The following UNC80 variants were observed in gnomAD, a reference collection of about 807,000 sequenced individuals.
The protein encoded by UNC80 is protein unc-80 homolog.
UNC80 carries 164 observed loss-of-function variants against 384.6 expected under a neutral mutation model. That is an observed-to-expected ratio of 0.43 (90% CI 0.38 to 0.49). The LOEUF is 0.49. Among genes scored for constraint, UNC80 ranks in the 20% least tolerant of loss-of-function variants. The pLI, the probability that UNC80 is intolerant of heterozygous loss-of-function variation, is 0.00. For synonymous variants in UNC80, 1,486 were observed against 1,527.8 expected, an observed-to-expected ratio of 0.97 and a Z score of 0.64; for missense variants, 3,330 against 4,143.0, an observed-to-expected ratio of 0.80 and a Z score of 5.39.
rs768175290 is a variant in UNC80 at position 209,855,309 on chromosome 2, G to A, written c.3627+5686G>A. On this transcript the variant is annotated intron_variant, in intron 22 of 64. Transcript: ENST00000673920. The stretch of plus-strand genomic sequence containing the variant: ...CACTGGGGCCTGTCAGCAGGGTTAG[G>A]GGGGCAGGGGAAGGGAGAGCATCAG... Among the ~76,000 whole-genome samples, 37 of 151,918 alleles carry A rather than the reference G, an allele frequency of 2.4e-4. 1 individual carries two copies. Among genetic ancestry groups the A allele is most frequent in the Non-Finnish European group, 1.2e-4 (8 of 67,918 alleles).
In UNC80 at chr2:209,969,851, T is replaced by C; in HGVS notation, c.8090T>C (p.Leu2697Pro). The C allele has an allele frequency of 6.4e-7, 1 of 1,551,804 alleles. No individual in the cohort carries two copies. The highest frequency in any genetic ancestry group is 8.7e-7 in the Non-Finnish European group (1 of 1,147,002). The change falls in exon 53 of 65, where the codon CTG becomes CCG. Residue 2697 changes from leucine (L) to proline (P), a missense_variant. Transcript: ENST00000673920. ...TLQRQPIISF[L>P]PHLRSLINVC... ...CAGAGGCAGCCAATCATATCCTTCC[T>C]GCCTCACCTTAGGTCACTGATCAAT... is the stretch of plus-strand genomic sequence containing the variant.
Position 209,872,820 on chromosome 2 carries a change from C to T in UNC80, c.3690C>T (p.Cys1230=), listed in dbSNP as rs1334035144. ...FLECARFVHR[C]NRGNWPEWMK... is the part of the protein sequence containing the mutation. The stretch of plus-strand genomic sequence containing the variant: ...AATGTGCTCGTTTTGTTCACCGCTG[C>T]AACCGTGGCAACTGGCCAGAGTGGA... Residue 1230 remains cysteine (C), a synonymous_variant, in exon 23 of 65, where the codon TGC becomes TGT. Coordinates refer to ENST00000673920, the MANE Select transcript of UNC80 (RefSeq NM_001371986.1). The surrounding 1 kb of genome is among the most constrained non-coding windows in gnomAD (Gnocchi z 4.1). 2.6e-6 allele frequency: 4 copies of T among 1,551,474 alleles called. No individual in the cohort carries two copies. The highest frequency in any genetic ancestry group is 1.2e-5 in the South Asian group (1 of 84,050).
chr2:209,867,458 G>A (rs1358130441), intron 22 of UNC80, among the ~76,000 whole-genome samples: 1 of 152,038 alleles, frequency 6.6e-6, no homozygotes, highest in South Asian at 2.1e-4. Context: ...CTCCAAACTT[G>A]TATGAGAATG....
intron 4 of UNC80, among the ~76,000 whole-genome samples, chr2:209,784,169 G>A (rs1559083616): frequency 6.6e-6 from 1 of 152,072 alleles, no homozygotes; most frequent in South Asian, 2.1e-4. Flanking sequence ...AAAATGCATT[G>A]AGAATCTACC....
intron 20 of UNC80, among the ~76,000 whole-genome samples, chr2:209,841,692 T>A (rs1244689836): frequency 6.6e-6 from 1 of 152,148 alleles, no homozygotes; most frequent in African/African-American, 2.4e-5. Flanking sequence ...AAGTGATATT[T>A]TGAAATTACA....
chr2:209,827,492 C>T (rs13420529), intron 14 of UNC80, among the ~76,000 whole-genome samples: 13,630 of 152,104 alleles, frequency 0.09, 929 homozygotes, highest in East Asian at 0.23. Flanking sequence ...ATACTTTCCT[C>T]CCCAGGAGCA....
At chr2:209,916,679 A>T (rs1310457717) in intron 31 of UNC80, among the ~76,000 whole-genome samples, 1 of 152,244 alleles carries the variant, frequency 6.6e-6, no homozygotes, top group African/African-American at 2.4e-5. Flanking sequence ...TTGATAAACC[A>T]TTCTATAGAT....
chr2:209,793,083 T>C (rs2077925728), intron 6 of UNC80, among the ~76,000 whole-genome samples: 1 of 152,202 alleles, frequency 6.6e-6, no homozygotes, highest in African/African-American at 2.4e-5. Context: ...TGAGGGTCTT[T>C]ATACTTTAGT....
At position 209,948,911 on chromosome 2, in the gene UNC80, GAT is replaced by G. The variant is rs530890652; in HGVS notation, c.7286+2970_7286+2971del. On this transcript the variant is annotated intron_variant, in intron 47 of 64. Coordinates refer to ENST00000673920, the MANE Select transcript of UNC80 (RefSeq NM_001371986.1). ...TTTAGTTTGAGTTTTCTTATTGATG[GAT>G]AATGAATATTACCAAATGTTCCTCT... Among the ~76,000 whole-genome samples the G allele has an allele frequency of 8.3e-4, 127 of 152,176 alleles. 2 individuals carry two copies. Among genetic ancestry groups the G allele is most frequent in the South Asian group, 7.3e-3 (35 of 4,812 alleles).
At chr2:209,890,190 C>T (rs2086200411) in intron 26 of UNC80, among the ~76,000 whole-genome samples, 1 of 151,762 alleles carries the variant, frequency 6.6e-6, no homozygotes, top group African/African-American at 2.4e-5. Flanking sequence ...TCACAGTTAT[C>T]TAATATGTCT....
intron 51 of UNC80, among the ~76,000 whole-genome samples, chr2:209,967,168 T>TAATCTC (rs1225553724): frequency 6.6e-6 from 1 of 152,184 alleles, no homozygotes; most frequent in African/African-American, 2.4e-5. Context: ...GGCCTATCCT[T>TAATCTC]AATCTCTCTG....
chr2:209,967,866 C>A (rs1235224991), intron 52 of UNC80: 1 of 422,086 alleles, frequency 2.4e-6, no homozygotes, highest in East Asian at 4.3e-5. Context: ...AAAATCTATC[C>A]ATTTCTTAGC....
At chr2:209,879,266 G>T (rs2085064268) in intron 24 of UNC80, among the ~76,000 whole-genome samples, 1 of 152,130 alleles carries the variant, frequency 6.6e-6, no homozygotes, top group Non-Finnish European at 1.5e-5. Context: ...GACCCATCTA[G>T]CCAGAAGGCA....
At chr2:209,838,953 C>A (rs1437392161) in intron 18 of UNC80, among the ~76,000 whole-genome samples, 6 of 152,022 alleles carry the variant, frequency 3.9e-5, no homozygotes, top group Non-Finnish European at 8.8e-5. Flanking sequence ...CAGATGAATA[C>A]CTGCAATAAT....
At chr2:209,799,111 G>A (rs565906852) in intron 7 of UNC80, among the ~76,000 whole-genome samples, 8 of 148,292 alleles carry the variant, frequency 5.4e-5, no homozygotes, top group Middle Eastern at 3.5e-3. Flanking sequence ...ATTCTGTGAA[G>A]AATGTCAATG....
intron 22 of UNC80, among the ~76,000 whole-genome samples, chr2:209,856,769 T>C (rs1318252400): frequency 9.4e-6 from 1 of 106,456 alleles, no homozygotes; most frequent in East Asian, 2.0e-4. Flanking sequence ...TACTTATTTA[T>C]TTATTTATTT....
At chr2:209,828,200 T>C in intron 14 of UNC80, among the ~76,000 whole-genome samples, 1 of 152,204 alleles carries the variant, frequency 6.6e-6, no homozygotes, top group South Asian at 2.1e-4. Context: ...AATAAACATC[T>C]TCACAAATTC....
Position 209,791,084 on chromosome 2 carries a change from A to G in UNC80, c.798+1479A>G, listed in dbSNP as rs573151266. 4.6e-5 allele frequency among the ~76,000 whole-genome samples: 7 copies of G among 152,164 alleles called. No individual in the cohort carries two copies. In the South Asian group the frequency reaches 1.5e-3, roughly 32 times the overall value. On this transcript the variant is annotated intron_variant, in intron 6 of 64. Transcript: ENST00000673920. ...GTCTTCTTTTCGTTATGTTGCTCAG[A>G]TGTTTTCTTTATTGTTTATGACCAC...
rs77708914 is a variant in UNC80 at position 209,957,656 on chromosome 2, C to T, written c.7470C>T (p.Ala2490=). 2.7e-3 allele frequency: 4,140 copies of T among 1,551,244 alleles called. 9 individuals are homozygous for T. The highest frequency in any genetic ancestry group is 4.9e-3 in the Admixed American group (249 of 50,990). ...GTCATTGTTACAGGCCCATGACAGC[C>T]CCACAGATGAGCAGGTGTGACCAAG... ...SVEVLTRPMT[A]PQMSRCDQGH... is the part of the protein sequence containing the mutation. The change falls in exon 49 of 65, where the codon GCC becomes GCT. Residue 2490 remains alanine (A), a synonymous_variant. Coordinates refer to ENST00000673920, the MANE Select transcript of UNC80 (RefSeq NM_001371986.1).
Sources: gnomAD v4.1 joint callset for allele counts (sites outside exome capture counted in the v4.1 genomes callset) on GRCh38, gnomAD v4.1.1 for gene constraint, Gnocchi (gnomAD v3.1) non-coding constraint, MANE v1.5 for transcripts, NCBI Gene and HGNC (gene_info 2026-07-23, HGNC 2026-07-21) for gene names.